The following OR2Z1 variants were observed in gnomAD, a reference collection of about 807,000 sequenced individuals.
OR2Z1 encodes the protein olfactory receptor 2Z1.
For missense variants in OR2Z1, 449 were observed against 401.8 expected (o/e 1.12, Z -1.00); for synonymous variants, 188 against 160.6 (o/e 1.17, Z -1.29).
At chr19:8,723,596 A>G (rs1291392742) in intron 2 of OR2Z1, among the ~76,000 whole-genome samples, 2 of 148,576 alleles carry the variant, frequency 1.3e-5, no homozygotes, top group Non-Finnish European at 3.0e-5. Context: ...TTTTGGTTGG[A>G]TTTTACACAT....
intron 2 of OR2Z1, among the ~76,000 whole-genome samples, chr19:8,726,638 G>A (rs2043328792): frequency 6.6e-6 from 1 of 152,228 alleles, no homozygotes; most frequent in African/African-American, 2.4e-5. Context: ...GAGAACCGGG[G>A]ATCTTGCCTG....
chr19:8,723,324 C>G lies in OR2Z1; in HGVS notation c.-170+174C>G, dbSNP rs1300091775. 2.0e-5 allele frequency among the ~76,000 whole-genome samples: 3 copies of G among 152,104 alleles called. No individual in the cohort carries two copies. In the East Asian group the frequency reaches 5.8e-4, roughly 29 times the overall value. On this transcript the variant is annotated intron_variant, in intron 2 of 2. Transcript: ENST00000641125. ...CTCTCTGGAAACCTTCCCTCCTCTA[C>G]CTGACCTTCAAAACTTCCATGCCTC... is the stretch of plus-strand genomic sequence containing the variant.
Position 8,731,034 on chromosome 19 carries a change from G to A in OR2Z1, c.6G>A (p.Gly2=). 1 of 1,613,778 alleles carries A rather than the reference G, an allele frequency of 6.2e-7. No homozygotes were observed. The highest frequency in any genetic ancestry group is 8.5e-7 in the Non-Finnish European group (1 of 1,179,706). Reference sequence around the variant, plus strand: ...TAAAGTGCATTGTGTAAAACATGGGGGATGTGAATCAGTCGGTGGCCTCAG... The same window carrying A: ...TAAAGTGCATTGTGTAAAACATGGGAGATGTGAATCAGTCGGTGGCCTCAG... M[G]DVNQSVASDF... The change falls in exon 3 of 3, where the codon GGG becomes GGA. Residue 2 remains glycine (G), a synonymous_variant. Transcript: ENST00000641125.
chr19:8,730,357 T>A (rs1278186862), intron 2 of OR2Z1, among the ~76,000 whole-genome samples: 4 of 152,134 alleles, frequency 2.6e-5, no homozygotes, highest in Non-Finnish European at 5.9e-5. Flanking sequence ...CAGCTTTGGT[T>A]AAGGACCCCT....
chr19:8,728,921 T>C, intron 2 of OR2Z1: 1 of 664,456 alleles, frequency 1.5e-6, no homozygotes, highest in East Asian at 3.2e-5. Context: ...TGAACGAAAG[T>C]GTGTCATTGT....
intron 2 of OR2Z1, among the ~76,000 whole-genome samples, chr19:8,727,637 C>T (rs979163738): frequency 1.1e-4 from 16 of 152,270 alleles, no homozygotes; most frequent in Non-Finnish European, 1.5e-4. Flanking sequence ...GAGGCCAAGG[C>T]GAGCTGATCA....
At chr19:8,725,402 C>G (rs1555756054) in intron 2 of OR2Z1, among the ~76,000 whole-genome samples, 1 of 152,144 alleles carries the variant, frequency 6.6e-6, no homozygotes, top group African/African-American at 2.4e-5. Flanking sequence ...GCCACCACAC[C>G]TGGCTAATTT....
At position 8,731,479 on chromosome 19, in the gene OR2Z1, G is replaced by T; in HGVS notation, c.451G>T (p.Val151Leu). The T allele has an allele frequency of 1.9e-6, 3 of 1,614,082 alleles. No homozygotes were observed. Among genetic ancestry groups the T allele is most frequent in the Non-Finnish European group, 2.5e-6 (3 of 1,180,012 alleles). Residue 151 changes from valine to leucine, a missense_variant, in exon 3 of 3, where the codon GTA becomes TTA. Val to Leu is a conservative substitution (Grantham distance 32, BLOSUM62 1). Transcript: ENST00000641125. ...GCTGATGATGGGCTCCTCCTGGGTG[G>T]TAGGTGTGCTCAACGCCTCCATCCA... ...CLLMMGSSWV[V>L]GVLNASIQTS...
intron 1 of OR2Z1, among the ~76,000 whole-genome samples, chr19:8,722,300 A>G (rs1292523013): frequency 1.3e-5 from 2 of 151,834 alleles, no homozygotes; most frequent in East Asian, 3.9e-4. Context: ...AATAAATAAT[A>G]TAAGTGACAG....
rs2043354779 is a variant in OR2Z1, at chr19:8,731,447, T to A, written c.419T>A (p.Val140Glu). The change falls in exon 3 of 3, where the codon GTA becomes GAA. Residue 140 changes from valine (V) to glutamate (E), a missense_variant. Transcript: ENST00000641125. ...TATCCTGTACTTATGAGACGCCAGGTATGTCTGCTGATGATGGGCTCCTCC... is the reference window on the plus strand; with the variant it reads ...TATCCTGTACTTATGAGACGCCAGGAATGTCTGCTGATGATGGGCTCCTCC... Reference protein sequence around the residue: ...LQYPVLMRRQVCLLMMGSSWV... With the variant: ...LQYPVLMRRQECLLMMGSSWV... 6.2e-7 allele frequency: 1 copy of A among 1,613,966 alleles called. No homozygotes were observed. Among genetic ancestry groups the A allele is most frequent in the Non-Finnish European group, 8.5e-7 (1 of 1,179,996 alleles).
chr19:8,730,183 C>T (rs1555756572), intron 2 of OR2Z1, among the ~76,000 whole-genome samples: 1 of 152,134 alleles, frequency 6.6e-6, no homozygotes, highest in African/African-American at 2.4e-5. Context: ...TTGGGCATTC[C>T]CTCAATTTGA....
At position 8,730,922 on chromosome 19, in the gene OR2Z1, C is replaced by G; in HGVS notation, c.-107C>G. 4.9e-6 allele frequency: 4 copies of G among 821,512 alleles called. No individual in the cohort carries two copies. Among genetic ancestry groups the G allele is most frequent in the Non-Finnish European group, 7.8e-6 (4 of 513,198 alleles). 50.9% of individuals were successfully genotyped at this position (821,512 alleles called of 1,614,324 possible). ...AGACACCATCCCAGGAAGCCACTAC[C>G]AATCAATGATGATTGGCATGTGAGA... On this transcript the variant is annotated 5_prime_UTR_variant, in exon 3 of 3. Transcript: ENST00000641125.
chr19:8,723,655 CAGA>C (rs1271128565), intron 2 of OR2Z1, among the ~76,000 whole-genome samples: 6 of 147,026 alleles, frequency 4.1e-5, no homozygotes, highest in Admixed American at 6.8e-5. Flanking sequence ...TCTGTGAAAA[CAGA>C]AGAAGAATTA....
At position 8,732,032 on chromosome 19, in the gene OR2Z1, G is replaced by C. The variant is rs575824980; in HGVS notation, c.*59G>C. ...CCTCGATCCCACCCACCTTCCCAAA[G>C]TATGCATTTGGCATTCAATTGCCAA... On this transcript the variant is annotated 3_prime_UTR_variant, in exon 3 of 3. Transcript: ENST00000641125. 7.4e-7 allele frequency: 1 copy of C among 1,345,322 alleles called. No individual in the cohort carries two copies. The highest frequency in any genetic ancestry group is 2.1e-5 in the Admixed American group (1 of 47,610). 83.3% of individuals were successfully genotyped at this position (1,345,322 alleles called of 1,614,324 possible). A position where few individuals can be genotyped will look rare whatever the true frequency, so the allele number is the denominator to read the frequency against.
rs367757531 is a variant in OR2Z1, at chr19:8,731,532, C to T, written c.504C>T (p.Tyr168=). 1.2e-6 allele frequency: 2 copies of T among 1,614,150 alleles called. No homozygotes were observed. Among genetic ancestry groups the T allele is most frequent in the Middle Eastern group, 1.6e-4 (1 of 6,062 alleles). ...CCTCCATCACCCTGCATTTTCCCTA[C>T]TGTGCCTCCCGTATTGTGGATCACT... ...IQTSITLHFP[Y]CASRIVDHFF... Residue 168 remains tyrosine (Y), a synonymous_variant, in exon 3 of 3, where the codon TAC becomes TAT. Coordinates refer to ENST00000641125, the MANE Select transcript of OR2Z1 (RefSeq NM_001004699.3).
intron 2 of OR2Z1, among the ~76,000 whole-genome samples, chr19:8,729,426 T>TC (rs2043341701): frequency 1.3e-5 from 2 of 151,454 alleles, no homozygotes; most frequent in Non-Finnish European, 1.5e-5. Context: ...TTTTTTTTTT[T>TC]CTAAGACAAG....
chr19:8,726,006 C>T (rs1378668059), intron 2 of OR2Z1, among the ~76,000 whole-genome samples: 1 of 151,898 alleles, frequency 6.6e-6, no homozygotes, highest in Non-Finnish European at 1.5e-5. Context: ...TCACTCTGTG[C>T]CCAGGCTGGA....
Position 8,731,160 on chromosome 19 carries a change from T to C in OR2Z1, c.132T>C (p.Val44=). The stretch of plus-strand genomic sequence containing the variant: ...TCATAGGCCTTCTGGGCAACACCGT[T>C]CTTCTCTTCTTGATCCGTGTGGACT... ...MFVIGLLGNT[V]LLFLIRVDSR... The change falls in exon 3 of 3, where the codon GTT becomes GTC. Residue 44 remains valine (V), a synonymous_variant. Coordinates refer to ENST00000641125, the MANE Select transcript of OR2Z1 (RefSeq NM_001004699.3). 1 of 1,614,076 alleles carries C rather than the reference T, an allele frequency of 6.2e-7. No individual in the cohort carries two copies. Among genetic ancestry groups the C allele is most frequent in the African/African-American group, 1.3e-5 (1 of 75,008 alleles).
In OR2Z1 at chr19:8,731,156, C is replaced by A; in HGVS notation, c.128C>A (p.Thr43Asn). Residue 43 changes from threonine (T) to asparagine (N), a missense_variant, in exon 3 of 3, where the codon ACC becomes AAC. Coordinates refer to ENST00000641125, the MANE Select transcript of OR2Z1 (RefSeq NM_001004699.3). ...TTTGTCATAGGCCTTCTGGGCAACA[C>A]CGTTCTTCTCTTCTTGATCCGTGTG... is the stretch of plus-strand genomic sequence containing the variant. ...VMFVIGLLGN[T>N]VLLFLIRVDS... The A allele has an allele frequency of 6.2e-7, 1 of 1,614,116 alleles. No individual in the cohort carries two copies. The highest frequency in any genetic ancestry group is 8.5e-7 in the Non-Finnish European group (1 of 1,180,022).
Sources: allele counts gnomAD v4.1 joint callset (sites outside exome capture counted in the v4.1 genomes callset), GRCh38; gene constraint gnomAD v4.1.1; transcripts MANE v1.5; gene names NCBI Gene and HGNC (gene_info 2026-07-23, HGNC 2026-07-21).